ZNF385C: variants seen among roughly 807,000 people sequenced by gnomAD.
The protein encoded by ZNF385C is CTD-2132N18.2.
A neutral mutation model predicts 35.4 loss-of-function variants in ZNF385C; 28 were observed. That is an observed-to-expected ratio of 0.79 (90% confidence interval 0.59 to 1.08). The LOEUF (loss-of-function observed/expected upper bound fraction) is 1.08, where lower values mean the gene tolerates loss of function less well. Among genes scored for constraint, ZNF385C ranks in the 50% least tolerant of loss-of-function variants. ZNF385C has a pLI of 0.00. For missense variants in ZNF385C, 605 were observed against 595.6 expected, an observed-to-expected ratio of 1.02 and a Z score of -0.16; for synonymous variants, 248 against 248.2, an observed-to-expected ratio of 1.00 and a Z score of 0.01.
At chr17:42,079,410 C>T (rs1393060327) in intron 1 of ZNF385C, among the ~76,000 whole-genome samples, 4 of 144,344 alleles carry the variant, frequency 2.8e-5, no homozygotes, top group African/African-American at 5.2e-5. Flanking sequence ...AAATACTGAC[C>T]AGGCACAGTG....
intron 1 of ZNF385C, among the ~76,000 whole-genome samples, chr17:42,084,050 T>C (rs2053779818): frequency 3.3e-5 from 5 of 152,078 alleles, no homozygotes; most frequent in Admixed American, 2.0e-4. Flanking sequence ...TCTGGTTAAA[T>C]AAATATTATT....
In ZNF385C at chr17:42,027,724, A is replaced by T; in HGVS notation, c.1169T>A (p.Met390Lys). 6.2e-7 allele frequency: 1 copy of T among 1,612,216 alleles called. No individual in the cohort carries two copies. Among genetic ancestry groups the T allele is most frequent in the South Asian group, 1.1e-5 (1 of 90,964 alleles). Residue 390 changes from methionine (M) to lysine (K), a missense_variant, in exon 8 of 9, where the codon ATG (methionine) becomes AAG (lysine). Met to Lys is a moderately conservative substitution (Grantham distance 95). Transcript: ENST00000692273. Reference sequence around the variant, plus strand: ...GCGGTCTTTGTGCCTCCTGCTGCTCATGTGCTAATGGACAGACAGACAGAC... The same window carrying T: ...GCGGTCTTTGTGCCTCCTGCTGCTCTTGTGCTAATGGACAGACAGACAGAC... ...VNSETQLKQH[M>K]SSRRHKDRLA... is the part of the protein sequence containing the mutation.
Position 42,051,279 on chromosome 17 carries a change from C to T in ZNF385C, c.250+11528G>A, listed in dbSNP as rs534143864. Among the ~76,000 whole-genome samples, 20 of 151,996 alleles carry T rather than the reference C, an allele frequency of 1.3e-4. No homozygotes were observed. The South Asian group carries it at 4.0e-3, about 30-fold the overall frequency. On this transcript the variant is annotated intron_variant, in intron 2 of 8. Coordinates refer to ENST00000692273, the MANE Select transcript of ZNF385C (RefSeq NM_001392013.1). ...TTGTTTTAGCCTAGTGAGTTATTTG[C>T]AGTGGGGTTGACAGAGTGGGGAAGA...
intron 2 of ZNF385C, among the ~76,000 whole-genome samples, chr17:42,057,420 A>AC (rs1246609928): frequency 1.3e-5 from 2 of 152,060 alleles, no homozygotes; most frequent in Non-Finnish European, 2.9e-5. Context: ...CATCTGTATC[A>AC]GAGGTTAGTG....
At chr17:42,093,709 T>C (rs1331472533) in intron 1 of ZNF385C, among the ~76,000 whole-genome samples, 1 of 151,832 alleles carries the variant, frequency 6.6e-6, no homozygotes, top group Non-Finnish European at 1.5e-5. Flanking sequence ...GTCTCCCGAG[T>C]ACCTGGGATT....
intron 2 of ZNF385C, chr17:42,039,826 C>T (rs1555655893): frequency 4.1e-6 from 5 of 1,232,074 alleles, no homozygotes. Context: ...CATGTGGCCC[C>T]CCCGGCCTTC....
chr17:42,070,637 G>A (rs2053611136), intron 1 of ZNF385C, among the ~76,000 whole-genome samples: 1 of 152,212 alleles, frequency 6.6e-6, no homozygotes, highest in Non-Finnish European at 1.5e-5. Context: ...AGAGAGGCAA[G>A]TAGGTAGGGC....
chr17:42,039,806 C>A, intron 2 of ZNF385C: 2 of 1,232,022 alleles, frequency 1.6e-6, no homozygotes, highest in Non-Finnish European at 2.0e-6. Flanking sequence ...CCATCCACTG[C>A]GATCTTCACC....
intron 2 of ZNF385C, among the ~76,000 whole-genome samples, chr17:42,053,192 G>A (rs190995763): frequency 1.6e-4 from 25 of 152,254 alleles, no homozygotes; most frequent in African/African-American, 5.1e-4. Context: ...CATAAACTCT[G>A]CCCCCAGTCG....
intron 2 of ZNF385C, among the ~76,000 whole-genome samples, chr17:42,047,706 T>A (rs1598189731): frequency 6.7e-6 from 1 of 150,108 alleles, no homozygotes; most frequent in African/African-American, 2.5e-5. Flanking sequence ...CAGTCTGGAG[T>A]GTAGTGGTGT....
At chr17:42,079,082 G>A (rs1555659511) in intron 1 of ZNF385C, among the ~76,000 whole-genome samples, 1 of 151,360 alleles carries the variant, frequency 6.6e-6, no homozygotes, top group East Asian at 1.9e-4. Context: ...GGTGGCTCAT[G>A]CCTGTAATCT....
chr17:42,028,449 T>A (rs2143509388), intron 6 of ZNF385C: 2 of 599,458 alleles, frequency 3.3e-6, no homozygotes, highest in Non-Finnish European at 5.7e-6. Flanking sequence ...CTTTCTGCAC[T>A]ACAAATAGCT....
chr17:42,049,783 C>T (rs1381475439), intron 2 of ZNF385C, among the ~76,000 whole-genome samples: 28 of 152,246 alleles, frequency 1.8e-4, no homozygotes, highest in African/African-American at 5.8e-4. Flanking sequence ...GATTCTAAAA[C>T]GGCTCTGTCC....
At chr17:42,086,701 C>CAAAA in intron 1 of ZNF385C, among the ~76,000 whole-genome samples, 1 of 66,828 alleles carries the variant, frequency 1.5e-5, no homozygotes, top group Non-Finnish European at 3.1e-5. Context: ...GATTCCATCT[C>CAAAA]AAAAAAAAAA....
chr17:42,085,426 G>A (rs559290565), intron 1 of ZNF385C, among the ~76,000 whole-genome samples: 42 of 151,080 alleles, frequency 2.8e-4, no homozygotes, highest in African/African-American at 9.5e-4. Flanking sequence ...GCGCCACCAC[G>A]TCCGGCTAAT....
intron 8 of ZNF385C, among the ~76,000 whole-genome samples, 157 bp from the exon 9 acceptor site, chr17:42,027,290 G>A (rs184289760): frequency 1.0e-4 from 15 of 148,528 alleles, no homozygotes; most frequent in Non-Finnish European, 1.6e-4. Flanking sequence ...CATTCATTCC[G>A]AAGGGCTTTC....
chr17:42,085,337 C>T (rs1175271091), intron 1 of ZNF385C, among the ~76,000 whole-genome samples: 2 of 151,818 alleles, frequency 1.3e-5, no homozygotes, highest in Non-Finnish European at 2.9e-5. Flanking sequence ...TGCACAATGT[C>T]GGCTCACTGC....
chr17:42,067,681 C>T (rs1300697142), intron 1 of ZNF385C, among the ~76,000 whole-genome samples: 1 of 152,152 alleles, frequency 6.6e-6, no homozygotes, highest in Non-Finnish European at 1.5e-5. Flanking sequence ...CAATATTTTG[C>T]ACCTTCTCAC....
chr17:42,075,445 A>C (rs2053673518), intron 1 of ZNF385C, among the ~76,000 whole-genome samples: 1 of 151,690 alleles, frequency 6.6e-6, no homozygotes, highest in African/African-American at 2.4e-5. Flanking sequence ...GTGTTGAATA[A>C]ATGGTTTCCA....
Sources: allele counts gnomAD v4.1 joint callset (sites outside exome capture counted in the v4.1 genomes callset), GRCh38; gene constraint gnomAD v4.1.1; transcripts MANE v1.5; gene names NCBI Gene and HGNC (gene_info 2026-07-23, HGNC 2026-07-21).